CTNNA3: variants seen among roughly 807,000 people sequenced by gnomAD.
CTNNA3 encodes the protein catenin alpha-3.
CTNNA3 carries 76 observed loss-of-function variants against 95.7 expected under a neutral mutation model. That is an observed-to-expected ratio of 0.79 (90% CI 0.66 to 0.96). The LOEUF is 0.96. Among genes scored for constraint, CTNNA3 ranks in the 40% least tolerant of loss-of-function variants. The pLI is 0.00. For missense variants in CTNNA3, 1,191 were observed against 1,089.8 expected (o/e 1.09, Z -1.31); for synonymous variants, 431 against 374.4 (o/e 1.15, Z -1.74).
chr10:66,010,240 T>A (rs1272224569), intron 15 of CTNNA3, among the ~76,000 whole-genome samples: 1 of 152,152 alleles, frequency 6.6e-6, no homozygotes, highest in Admixed American at 6.5e-5. Context: ...CAGTTCCAAA[T>A]AGAAACTGTC....
At chr10:66,906,327 G>C (rs1161187317) in intron 7 of CTNNA3, among the ~76,000 whole-genome samples, 2 of 152,122 alleles carry the variant, frequency 1.3e-5, no homozygotes. Flanking sequence ...AAAACTCTAT[G>C]CCTAGAAATA....
At chr10:67,477,434 C>A (rs550311933) in intron 5 of CTNNA3, among the ~76,000 whole-genome samples, 10 of 152,208 alleles carry the variant, frequency 6.6e-5, no homozygotes, top group African/African-American at 2.4e-4. Flanking sequence ...AGAGCTTCTC[C>A]CAGTAAACAA....
intron 10 of CTNNA3, among the ~76,000 whole-genome samples, chr10:66,564,108 G>A (rs1003670424): frequency 6.6e-6 from 1 of 152,080 alleles, no homozygotes; most frequent in African/African-American, 2.4e-5. Flanking sequence ...ACTGAGACCT[G>A]TCGCAGATAT....
At chr10:66,808,810 C>G (rs908556455) in intron 7 of CTNNA3, among the ~76,000 whole-genome samples, 1 of 152,040 alleles carries the variant, frequency 6.6e-6, no homozygotes, top group African/African-American at 2.4e-5. Flanking sequence ...CCTTATTTTA[C>G]TTAATGGCCA....
chr10:66,389,126 A>T (rs1220904574), intron 11 of CTNNA3, among the ~76,000 whole-genome samples: 2 of 152,068 alleles, frequency 1.3e-5, no homozygotes, highest in African/African-American at 2.4e-5. Context: ...ACAACTTCCT[A>T]CTGTTGAATC....
intron 3 of CTNNA3, among the ~76,000 whole-genome samples, chr10:67,558,027 C>A (rs1841321265): frequency 1.3e-5 from 2 of 152,124 alleles, no homozygotes; most frequent in East Asian, 1.9e-4. Flanking sequence ...TTTTGCAGAA[C>A]CTAAGCCATA....
intron 13 of CTNNA3, among the ~76,000 whole-genome samples, chr10:66,218,364 G>A (rs2088691066): frequency 6.6e-6 from 1 of 152,098 alleles, no homozygotes; most frequent in Non-Finnish European, 1.5e-5. Context: ...AGACTTCCAA[G>A]ATTAGGTTGT....
chr10:66,914,738 A>G (rs1341109825), intron 7 of CTNNA3, among the ~76,000 whole-genome samples: 2 of 152,144 alleles, frequency 1.3e-5, no homozygotes, highest in Non-Finnish European at 2.9e-5. Context: ...CCACGTAGTA[A>G]ATATTCTAAG....
At chr10:66,304,686 T>C (rs10822800) in intron 12 of CTNNA3, among the ~76,000 whole-genome samples, 32,739 of 151,752 alleles carry the variant, frequency 0.22, 3,694 homozygotes, top group Admixed American at 0.29. Flanking sequence ...TACTCAAGAG[T>C]ATCCGCCCAC....
intron 7 of CTNNA3, among the ~76,000 whole-genome samples, chr10:67,038,379 A>G (rs1418654141): frequency 6.6e-6 from 1 of 152,108 alleles, no homozygotes; most frequent in Non-Finnish European, 1.5e-5. Flanking sequence ...ATCATTTATG[A>G]GGAAAGAAAT....
At position 66,844,548 on chromosome 10, in the gene CTNNA3, T is replaced by C. The variant is rs115800616; in HGVS notation, c.1048-69024A>G. Among the ~76,000 whole-genome samples, 1,218 of 152,312 alleles carry C rather than the reference T, an allele frequency of 8.0e-3. 25 individuals are homozygous for C. Among genetic ancestry groups the C allele is most frequent in the African/African-American group, 0.027 (1,125 of 41,560 alleles). On this transcript the variant is annotated intron_variant, in intron 7 of 17. Coordinates refer to ENST00000433211, the MANE Select transcript of CTNNA3 (RefSeq NM_013266.4). ...ATATTTCTTGTTTAAATCTTGGGAA[T>C]TTGGCTCATGTAAAGGCTCTTCTTC...
At chr10:67,261,433 A>G (rs1288168568) in intron 5 of CTNNA3, among the ~76,000 whole-genome samples, 4 of 152,190 alleles carry the variant, frequency 2.6e-5, no homozygotes, top group Non-Finnish European at 5.9e-5. Context: ...ACTTTATGTC[A>G]GAAATACCAA....
At chr10:67,413,927 C>A (rs1415347171) in intron 5 of CTNNA3, among the ~76,000 whole-genome samples, 1 of 151,870 alleles carries the variant, frequency 6.6e-6, no homozygotes, top group Non-Finnish European at 1.5e-5. Flanking sequence ...TGAGATATAG[C>A]CAAAGCAGTG....
chr10:66,229,702 C>T (rs1280508696), intron 13 of CTNNA3, among the ~76,000 whole-genome samples: 1 of 151,258 alleles, frequency 6.6e-6, no homozygotes, highest in East Asian at 1.9e-4. Context: ...TCAGAGGGCA[C>T]CTGTTTGGGT....
At chr10:67,057,544 A>T (rs1054256559) in intron 7 of CTNNA3, among the ~76,000 whole-genome samples, 5 of 152,058 alleles carry the variant, frequency 3.3e-5, no homozygotes, top group Admixed American at 3.3e-4. Flanking sequence ...GGCTTATTTC[A>T]CTTAGTATAA....
intron 13 of CTNNA3, among the ~76,000 whole-genome samples, chr10:66,134,382 T>TA (rs1441695042): frequency 1.3e-5 from 2 of 152,204 alleles, no homozygotes; most frequent in South Asian, 2.1e-4. Context: ...GCAATTTCTA[T>TA]AAAAAATCTG....
chr10:66,179,206 G>A (rs1230270369), intron 13 of CTNNA3, among the ~76,000 whole-genome samples: 1 of 151,882 alleles, frequency 6.6e-6, no homozygotes, highest in Admixed American at 6.6e-5. Flanking sequence ...GCCATATCAT[G>A]GAATCTCGCT....
intron 12 of CTNNA3, among the ~76,000 whole-genome samples, chr10:66,351,405 G>C (rs1320904342): frequency 2.6e-5 from 4 of 151,972 alleles, no homozygotes; most frequent in Non-Finnish European, 4.4e-5. Context: ...GTTGGGATTT[G>C]AATGCAGACA....
intron 5 of CTNNA3, among the ~76,000 whole-genome samples, chr10:67,232,345 G>T (rs1171269084): frequency 6.6e-6 from 1 of 151,974 alleles, no homozygotes; most frequent in Non-Finnish European, 1.5e-5. Context: ...GAAGAGAGTG[G>T]GGGCCAATAT....
Sources: gnomAD v4.1 joint callset for allele counts (sites outside exome capture counted in the v4.1 genomes callset) on GRCh38, gnomAD v4.1.1 for gene constraint, MANE v1.5 for transcripts, NCBI Gene and HGNC (gene_info 2026-07-23, HGNC 2026-07-21) for gene names.